TBCK: variants seen among roughly 807,000 people sequenced by gnomAD.
TBCK encodes the protein TBC1 domain containing kinase.
A neutral mutation model predicts 113.4 loss-of-function variants in TBCK; 99 were observed. That is an observed-to-expected ratio of 0.87 (90% CI 0.74 to 1.03). The LOEUF (loss-of-function observed/expected upper bound fraction) is 1.03, where lower values mean the gene tolerates loss of function less well. Among genes scored for constraint, TBCK ranks in the 50% least tolerant of loss-of-function variants. TBCK has a pLI of 0.00. For synonymous variants in TBCK, 369 were observed against 370.8 expected, an observed-to-expected ratio of 1.00 and a Z score of 0.05; for missense variants, 1,045 against 1,061.3, an observed-to-expected ratio of 0.98 and a Z score of 0.21.
Position 106,247,126 on chromosome 4 carries a change from A to C in TBCK, c.931+13T>G, listed in dbSNP as rs769055185. On this transcript the variant is annotated intron_variant, in intron 10 of 25. Transcript: ENST00000394708. ...AGGCTCATATTATTCTCTATGCTTTAATTTATCATTACCTTTACACAACTG... is the reference window on the plus strand; with the variant it reads ...AGGCTCATATTATTCTCTATGCTTTCATTTATCATTACCTTTACACAACTG... 43 of 1,603,732 alleles carry C rather than the reference A, an allele frequency of 2.7e-5. No individual in the cohort carries two copies. The highest frequency in any genetic ancestry group is 3.6e-5 in the Non-Finnish European group (42 of 1,177,126).
chr4:106,136,542 G>A (rs115049038), intron 23 of TBCK, among the ~76,000 whole-genome samples: 3,110 of 141,190 alleles, frequency 0.022, 576 homozygotes, highest in Middle Eastern at 0.12. Flanking sequence ...AAGGTACTTC[G>A]ATTCTATTTC....
At chr4:106,298,108 G>A (rs1766505699) in intron 2 of TBCK, among the ~76,000 whole-genome samples, 1 of 151,980 alleles carries the variant, frequency 6.6e-6, no homozygotes, top group South Asian at 2.1e-4. Flanking sequence ...ATTTTGTTTT[G>A]TAGCACTTGT....
intron 25 of TBCK, among the ~76,000 whole-genome samples, chr4:106,083,738 C>T (rs1739181074): frequency 6.6e-6 from 1 of 152,156 alleles, no homozygotes; most frequent in African/African-American, 2.4e-5. Context: ...GGAGCAGGCA[C>T]CCATCTTTGC....
intron 20 of TBCK, among the ~76,000 whole-genome samples, chr4:106,201,961 G>C (rs904453912): frequency 1.3e-5 from 2 of 151,968 alleles, no homozygotes; most frequent in African/African-American, 4.8e-5. Context: ...TTCCAGAAAA[G>C]AATGTGTAAA....
intron 22 of TBCK, among the ~76,000 whole-genome samples, chr4:106,172,731 G>A (rs1370117087): frequency 6.6e-6 from 1 of 152,070 alleles, no homozygotes; most frequent in Non-Finnish European, 1.5e-5. Flanking sequence ...GTAAGGTGAA[G>A]AAATCTGGAA....
At chr4:106,113,490 G>A (rs1275555684) in intron 24 of TBCK, among the ~76,000 whole-genome samples, 2 of 152,278 alleles carry the variant, frequency 1.3e-5, no homozygotes, top group African/African-American at 2.4e-5. Context: ...TGTACGGTGT[G>A]GTCCAAATGA....
intron 25 of TBCK, among the ~76,000 whole-genome samples, chr4:106,080,046 T>C (rs1738675582): frequency 6.6e-6 from 1 of 152,148 alleles, no homozygotes; most frequent in Non-Finnish European, 1.5e-5. Context: ...GAGATTTGGC[T>C]GGGAACACAA....
At chr4:106,216,616 G>A (rs1756963292) in intron 19 of TBCK, among the ~76,000 whole-genome samples, 1 of 152,180 alleles carries the variant, frequency 6.6e-6, no homozygotes, top group Non-Finnish European at 1.5e-5. Flanking sequence ...AGAAAACCTA[G>A]AAGAAATGGG....
At chr4:106,150,197 G>A (rs913101782) in intron 23 of TBCK, among the ~76,000 whole-genome samples, 8 of 152,090 alleles carry the variant, frequency 5.3e-5, no homozygotes, top group Non-Finnish European at 8.8e-5. Flanking sequence ...TGTTCATGAA[G>A]AAAAAGTTAA....
intron 24 of TBCK, among the ~76,000 whole-genome samples, chr4:106,102,649 GAA>G (rs35868256): frequency 6.2e-4 from 94 of 150,934 alleles, no homozygotes; most frequent in Admixed American, 9.2e-4. Context: ...CACAATTTAG[GAA>G]AAAAAAACTT....
intron 25 of TBCK, among the ~76,000 whole-genome samples, chr4:106,067,285 G>T (rs1035213606): frequency 6.6e-6 from 1 of 152,120 alleles, no homozygotes; most frequent in Admixed American, 6.5e-5. Context: ...CTTCCTCAGA[G>T]AAATGTCTAC....
intron 3 of TBCK, among the ~76,000 whole-genome samples, chr4:106,292,519 A>G (rs1232645467): frequency 2.0e-5 from 3 of 151,798 alleles, no homozygotes; most frequent in East Asian, 1.9e-4. Flanking sequence ...GCAGTGAGCC[A>G]AGATCACGCC....
At chr4:106,276,822 G>A (rs1230727849) in intron 3 of TBCK, among the ~76,000 whole-genome samples, 1 of 151,990 alleles carries the variant, frequency 6.6e-6, no homozygotes, top group Non-Finnish European at 1.5e-5. Flanking sequence ...TTGAACCCAG[G>A]AGGCGGTGCA....
At position 106,295,112 on chromosome 4, in the gene TBCK, C is replaced by T. The variant is rs776333518; in HGVS notation, c.248G>A (p.Arg83Gln). The part of the protein sequence containing the change: ...HCERSLEDLL[R>Q]ERKPVSCSTV... The stretch of plus-strand genomic sequence containing the variant: ...ACAGTACCTCACAGGTTTCCTTTCT[C>T]GAAGCAAGTCTTCCAGACTACGTTC... The change falls in exon 3 of 26, where the codon CGA becomes CAA. Residue 83 changes from arginine (R) to glutamine (Q), a missense_variant. Transcript: ENST00000394708. 2.0e-5 allele frequency: 32 copies of T among 1,613,262 alleles called. No individual in the cohort carries two copies. Among genetic ancestry groups the T allele is most frequent in the Non-Finnish European group, 2.5e-5 (29 of 1,179,520 alleles).
intron 25 of TBCK, among the ~76,000 whole-genome samples, chr4:106,078,834 G>T (rs1234861121): frequency 6.6e-6 from 1 of 151,292 alleles, no homozygotes; most frequent in East Asian, 1.9e-4. Flanking sequence ...GAGATACAAT[G>T]AAAAAAGGAA....
At chr4:106,191,655 G>T (rs6533240) in intron 22 of TBCK, among the ~76,000 whole-genome samples, 1 of 151,938 alleles carries the variant, frequency 6.6e-6, no homozygotes. Flanking sequence ...GAATTTAAGA[G>T]TTATTAATAT....
intron 2 of TBCK, among the ~76,000 whole-genome samples, chr4:106,306,900 C>T (rs1388312599): frequency 6.6e-6 from 1 of 152,150 alleles, no homozygotes; most frequent in African/African-American, 2.4e-5. Flanking sequence ...TAAAAGAAGT[C>T]TCAATAAAAT....
chr4:106,260,760 T>C (rs1253928483), intron 4 of TBCK, among the ~76,000 whole-genome samples: 1 of 151,926 alleles, frequency 6.6e-6, no homozygotes, highest in Non-Finnish European at 1.5e-5. Context: ...AAATGACAAA[T>C]GACATTTTTC....
intron 2 of TBCK, among the ~76,000 whole-genome samples, chr4:106,305,016 G>C (rs1767357641): frequency 1.3e-5 from 2 of 152,050 alleles, no homozygotes; most frequent in Non-Finnish European, 2.9e-5. Context: ...TCCATGAGTT[G>C]CATTTCTTTG....
Sources: allele counts gnomAD v4.1 joint callset (sites outside exome capture counted in the v4.1 genomes callset), GRCh38; gene constraint gnomAD v4.1.1; transcripts MANE v1.5; gene names NCBI Gene and HGNC (gene_info 2026-07-23, HGNC 2026-07-21).